The following MEI1 variants were observed in gnomAD, a reference collection of about 807,000 sequenced individuals.
MEI1 encodes the protein meiosis inhibitor protein 1.
In MEI1, 103 loss-of-function variants were observed where a neutral mutation model predicts 146.2. That is an observed-to-expected ratio of 0.70 (90% CI 0.60 to 0.83). The LOEUF (loss-of-function observed/expected upper bound fraction) is 0.83, where lower values mean the gene tolerates loss of function less well. Among genes scored for constraint, MEI1 ranks in the 40% least tolerant of loss-of-function variants. The probability of loss-of-function intolerance (pLI) is 0.00; values close to 1 mark genes in which losing one functional copy is unlikely to be tolerated. For synonymous variants in MEI1, 652 were observed against 628.2 expected (o/e 1.04, Z -0.57); for missense variants, 1,529 against 1,533.0 (o/e 1.00, Z 0.04).
intron 19 of MEI1, among the ~76,000 whole-genome samples, chr22:41,766,392 G>A (rs1374078302): frequency 2.7e-5 from 4 of 145,534 alleles, no homozygotes; most frequent in African/African-American, 1.0e-4. Context: ...GGCTGGTCTC[G>A]AACTCCTGAC....
Position 41,784,324 on chromosome 22 carries a change from C to T in MEI1, c.3088-15C>T. ...CAGAACATGGGGGTTAGCCCTTTAC[C>T]CTGTGCCCTGCCAGGTTCACCAGAC... On this transcript the variant is annotated splice_polypyrimidine_tract_variant and intron_variant, in intron 24 of 30. Transcript: ENST00000401548. The T allele has an allele frequency of 1.9e-6, 3 of 1,612,462 alleles. No individual in the cohort carries two copies. The highest frequency in any genetic ancestry group is 2.5e-6 in the Non-Finnish European group (3 of 1,179,186).
rs762548732 is a variant in MEI1 at position 41,744,977 on chromosome 22, A to G, written c.1451A>G (p.His484Arg). The G allele has an allele frequency of 9.0e-6, 14 of 1,548,648 alleles. No homozygotes were observed. The highest frequency in any genetic ancestry group is 8.2e-5 in the African/African-American group (6 of 73,244). Residue 484 changes from histidine to arginine, a missense_variant, in exon 13 of 31, where the codon CAT (histidine) becomes CGT (arginine). Around this residue, in one of 3 missense-constraint regions of MEI1, gnomAD observed 1,212 missense variants for 1,178.9 expected, o/e 1.03. Transcript: ENST00000401548. ...TGTCTCTCCTTCCCACCTCAGGGCC[A>G]TGCCTCCAGTAGAGATTCAGAGAAG... The part of the protein sequence containing the change: ...QTLLSRRPLG[H>R]ASSRDSEKAI...
chr22:41,732,432 G>C, intron 10 of MEI1, 37 bp from the exon 11 acceptor site: 1 of 1,613,664 alleles, frequency 6.2e-7, no homozygotes, highest in Non-Finnish European at 8.5e-7. Flanking sequence ...TCAGTGAGAA[G>C]AGTTCACCTA....
intron 6 of MEI1, among the ~76,000 whole-genome samples, chr22:41,720,597 ATT>A (rs71184835): frequency 1.2e-4 from 15 of 124,786 alleles, no homozygotes; most frequent in Admixed American, 5.7e-4. Context: ...GCCTGGCTCA[ATT>A]TTTTTTTTTT....
chr22:41,793,936 G>A, intron 27 of MEI1, 26 bp downstream of exon 27: 1 of 1,594,180 alleles, frequency 6.3e-7, no homozygotes, highest in Non-Finnish European at 8.6e-7. Flanking sequence ...ATTATCTGAT[G>A]TTCCCATGAG....
intron 23 of MEI1, 31 bp downstream of exon 23, chr22:41,781,425 G>A: frequency 6.5e-7 from 1 of 1,529,338 alleles, no homozygotes; most frequent in Non-Finnish European, 9.0e-7. Context: ...ACAGTGAAGA[G>A]TGCTGGGCAG....
intron 26 of MEI1, among the ~76,000 whole-genome samples, chr22:41,788,225 C>A (rs1158771646): frequency 2.0e-5 from 3 of 152,020 alleles, no homozygotes; most frequent in Non-Finnish European, 4.4e-5. Context: ...CATGAGGTTT[C>A]ACCATGTTGG....
chr22:41,746,862 C>T (rs903409549), intron 14 of MEI1, among the ~76,000 whole-genome samples: 8 of 152,018 alleles, frequency 5.3e-5, no homozygotes, highest in Non-Finnish European at 7.4e-5. Context: ...GGACTGTGGC[C>T]CTGACTTAAC....
intron 14 of MEI1, among the ~76,000 whole-genome samples, chr22:41,746,836 A>C (rs1217638240): frequency 6.6e-6 from 1 of 152,150 alleles, no homozygotes; most frequent in Admixed American, 6.6e-5. Flanking sequence ...TGCAGGAGGT[A>C]GTGGTCAGGA....
At chr22:41,717,969 G>C in intron 5 of MEI1, 102 bp from the exon 6 acceptor site, 2 of 985,424 alleles carry the variant, frequency 2.0e-6, no homozygotes, top group Non-Finnish European at 3.0e-6. Flanking sequence ...GGGGATTATA[G>C]GGACTTACCA....
At chr22:41,748,693 C>T (rs1017487812) in intron 15 of MEI1, among the ~76,000 whole-genome samples, 21 of 152,156 alleles carry the variant, frequency 1.4e-4, no homozygotes, top group Non-Finnish European at 1.5e-5. Context: ...TGATTGTACT[C>T]ATTCCACTGA....
Position 41,770,845 on chromosome 22 carries a change from A to G in MEI1, c.2428A>G (p.Ser810Gly), listed in dbSNP as rs1214536687. 4 of 1,613,828 alleles carry G rather than the reference A, an allele frequency of 2.5e-6. No individual in the cohort carries two copies. In the Admixed American group the frequency reaches 6.7e-5, roughly 27 times the overall value. The change falls in exon 20 of 31, where the codon AGC (serine) becomes GGC (glycine). Residue 810 changes from serine (S) to glycine (G), a missense_variant. By Grantham distance (56) the Ser-to-Gly change is moderately conservative. Coordinates refer to ENST00000401548, the MANE Select transcript of MEI1 (RefSeq NM_152513.4). Reference protein sequence around the residue: ...VLELWFFWEESSYEELDDVTS... With the variant: ...VLELWFFWEEGSYEELDDVTS... ...GGAACTTTGGTTCTTCTGGGAAGAG[A>G]GCAGCTATGAGGAACTGGATGATGT...
At chr22:41,787,245 A>T (rs1347352311) in intron 26 of MEI1, among the ~76,000 whole-genome samples, 2 of 152,206 alleles carry the variant, frequency 1.3e-5, no homozygotes, top group Non-Finnish European at 2.9e-5. Flanking sequence ...TTGCTGGTAA[A>T]CATCATAGTA....
At chr22:41,750,419 G>A (rs2073670891) in intron 15 of MEI1, among the ~76,000 whole-genome samples, 1 of 152,220 alleles carries the variant, frequency 6.6e-6, no homozygotes, top group African/African-American at 2.4e-5. Context: ...TGGCTTCATG[G>A]CAGCTTTTGG....
chr22:41,756,350 T>A (rs2074092669), intron 17 of MEI1, among the ~76,000 whole-genome samples: 1 of 152,192 alleles, frequency 6.6e-6, no homozygotes, highest in Admixed American at 6.5e-5. Context: ...TTGGCCAGGC[T>A]GGTCTTGAAC....
chr22:41,708,679 C>T (rs1362279957), intron 3 of MEI1, among the ~76,000 whole-genome samples: 1 of 152,210 alleles, frequency 6.6e-6, no homozygotes, highest in Non-Finnish European at 1.5e-5. Context: ...CCGACCCTGA[C>T]TTTCAGGAAG....
rs369730681 is a variant in MEI1, at chr22:41,759,855, G to A, written c.2120+1322G>A. ...CTCAAAAAGGATATAAAAATAAAAG[G>A]ACTGTTCTTTCTTAAGCCGTAAGAA... On this transcript the variant is annotated intron_variant, in intron 18 of 30. Transcript: ENST00000401548. Among the ~76,000 whole-genome samples the A allele has an allele frequency of 1.3e-3, 198 of 151,768 alleles. 2 individuals are homozygous for A. The highest frequency in any genetic ancestry group is 4.6e-3 in the African/African-American group (189 of 41,416).
chr22:41,730,421 C>T, intron 8 of MEI1, 100 bp from the exon 9 acceptor site: 1 of 746,400 alleles, frequency 1.3e-6, no homozygotes, highest in Non-Finnish European at 2.4e-6. Context: ...GATGAAGTAG[C>T]AAGAGTAAGG....
At position 41,732,155 on chromosome 22, in the gene MEI1, G is replaced by A. The variant is rs557658909; in HGVS notation, c.1097-90G>A. ...CACGAGTGGCCTCCAACTCATACAT[G>A]CTGTCCAGAGCCTGTCACCTCTTCT... On this transcript the variant is annotated intron_variant, in intron 9 of 30. Transcript: ENST00000401548. The A allele has an allele frequency of 2.1e-5, 21 of 1,007,552 alleles. No individual in the cohort carries two copies. The East Asian group carries it at 5.0e-4, about 24-fold the overall frequency. 62.4% of individuals were successfully genotyped at this position (1,007,552 alleles called of 1,614,324 possible).
Sources: allele counts gnomAD v4.1 joint callset (sites outside exome capture counted in the v4.1 genomes callset), GRCh38; gene constraint gnomAD v4.1.1; regional missense constraint gnomAD v4.1.1; transcripts MANE v1.5; gene names NCBI Gene and HGNC (gene_info 2026-07-23, HGNC 2026-07-21).